Variants in CREB3L2 observed in about 807,000 individuals in gnomAD.
CREB3L2 encodes cyclic AMP-responsive element-binding protein 3-like protein 2.
In CREB3L2, 23 loss-of-function variants were observed where a neutral mutation model predicts 57.2. That is an observed-to-expected ratio of 0.40 (90% CI 0.29 to 0.57). The LOEUF is 0.57. CREB3L2 is among the 20% of genes least tolerant of loss of function. The probability of loss-of-function intolerance (pLI) is 0.42; values close to 1 mark genes in which losing one functional copy is unlikely to be tolerated. For synonymous variants in CREB3L2, 268 were observed against 265.1 expected (o/e 1.01, Z -0.11); for missense variants, 628 against 634.7 (o/e 0.99, Z 0.11).
intron 8 of CREB3L2, among the ~76,000 whole-genome samples, chr7:137,895,086 T>G (rs963345831): frequency 6.6e-6 from 1 of 152,146 alleles, no homozygotes; most frequent in Non-Finnish European, 1.5e-5. Context: ...GCCCTAAAGA[T>G]GCCTGAGAAC....
intron 8 of CREB3L2, among the ~76,000 whole-genome samples, chr7:137,895,895 T>C (rs1281481046): frequency 6.6e-6 from 1 of 152,234 alleles, no homozygotes; most frequent in Non-Finnish European, 1.5e-5. Flanking sequence ...TCTTCACTTA[T>C]CAAAGTTGTT....
chr7:137,903,945 G>A lies in CREB3L2; in HGVS notation c.974+14C>T. On this transcript the variant is annotated intron_variant, in intron 7 of 11. Coordinates refer to ENST00000330387, the MANE Select transcript of CREB3L2 (RefSeq NM_194071.4). ...TACTGCCCGATGAACGCAACAGTTTGCCAGCAGGCTTACTTTTTCTCCAGG... is the reference window on the plus strand; with the variant it reads ...TACTGCCCGATGAACGCAACAGTTTACCAGCAGGCTTACTTTTTCTCCAGG... The A allele has an allele frequency of 1.2e-6, 2 of 1,609,362 alleles. No individual in the cohort carries two copies. The highest frequency in any genetic ancestry group is 2.2e-5 in the South Asian group (2 of 90,954).
chr7:137,967,569 G>A (rs140033816), intron 1 of CREB3L2, among the ~76,000 whole-genome samples: 306 of 152,214 alleles, frequency 2.0e-3, no homozygotes, highest in African/African-American at 6.7e-3. Flanking sequence ...GAGATACTCC[G>A]GATGACTCAG....
intron 1 of CREB3L2, among the ~76,000 whole-genome samples, chr7:137,981,030 G>A (rs1220874428): frequency 6.6e-6 from 1 of 152,130 alleles, no homozygotes; most frequent in Non-Finnish European, 1.5e-5. Flanking sequence ...TGAGGACCCC[G>A]AGTCCTTGCA....
At chr7:137,912,375 CAAA>C (rs1323783918) in intron 4 of CREB3L2, among the ~76,000 whole-genome samples, 3 of 69,806 alleles carry the variant, frequency 4.3e-5, no homozygotes, top group African/African-American at 4.6e-5. Context: ...GACTCTGTCT[CAAA>C]AAAAAAAAAA....
chr7:137,921,920 G>A (rs1053666331), intron 2 of CREB3L2, among the ~76,000 whole-genome samples: 8 of 151,256 alleles, frequency 5.3e-5, no homozygotes, highest in Middle Eastern at 3.2e-3. Flanking sequence ...ACAGGCGTGC[G>A]TCACCTCACC....
intron 1 of CREB3L2, among the ~76,000 whole-genome samples, chr7:137,934,632 C>T (rs1236669182): frequency 1.3e-5 from 2 of 152,202 alleles, no homozygotes; most frequent in African/African-American, 2.4e-5. Flanking sequence ...GGCTCACAGA[C>T]GGTCATCCGC....
At chr7:137,930,828 C>A (rs1246405314) in intron 1 of CREB3L2, among the ~76,000 whole-genome samples, 1 of 151,506 alleles carries the variant, frequency 6.6e-6, no homozygotes, top group Non-Finnish European at 1.5e-5. Context: ...GCCTGCATCA[C>A]AATTACCAGG....
intron 1 of CREB3L2, among the ~76,000 whole-genome samples, chr7:137,958,665 A>T (rs934418175): frequency 2.0e-4 from 31 of 152,232 alleles, no homozygotes; most frequent in African/African-American, 7.5e-4. Flanking sequence ...TGTTTTAAGA[A>T]ATCCAGTGAG....
chr7:137,974,014 T>C (rs1801562565), intron 1 of CREB3L2, among the ~76,000 whole-genome samples: 1 of 151,576 alleles, frequency 6.6e-6, no homozygotes, highest in Non-Finnish European at 1.5e-5. Context: ...ATATCCATAT[T>C]ATAAAGTTAG....
At chr7:137,887,240 TG>T (rs1454425451) in intron 8 of CREB3L2, among the ~76,000 whole-genome samples, 1 of 152,210 alleles carries the variant, frequency 6.6e-6, no homozygotes, top group Non-Finnish European at 1.5e-5. Context: ...AGATTTTTCC[TG>T]GGCTTACATC....
intron 1 of CREB3L2, among the ~76,000 whole-genome samples, chr7:137,982,608 T>C (rs1036851015): frequency 6.6e-5 from 10 of 152,344 alleles, no homozygotes; most frequent in African/African-American, 1.2e-4. Context: ...CTCTCTTGCT[T>C]GCCACCATGT....
Position 138,001,981 on chromosome 7 carries a change from A to T in CREB3L2, c.-276T>A. 2.4e-6 allele frequency: 1 copy of T among 411,728 alleles called. No individual in the cohort carries two copies. Among genetic ancestry groups the T allele is most frequent in the South Asian group, 4.3e-5 (1 of 23,280 alleles). 25.5% of individuals were successfully genotyped at this position (411,728 alleles called of 1,614,324 possible). A position where few individuals can be genotyped will look rare whatever the true frequency, so the allele number is the denominator to read the frequency against. ...AAAGCGGGATGTGCATCCAAAATGA[A>T]GGCAGAAGACCCGCTCTCATCCCAG... On this transcript the variant is annotated 5_prime_UTR_variant, in exon 1 of 12. Coordinates refer to ENST00000330387, the MANE Select transcript of CREB3L2 (RefSeq NM_194071.4). The surrounding 1 kb of genome is among the most constrained non-coding windows in gnomAD (Gnocchi z 4.2).
At chr7:137,916,486 C>T (rs1191859120) in intron 2 of CREB3L2, among the ~76,000 whole-genome samples, 1 of 152,076 alleles carries the variant, frequency 6.6e-6, no homozygotes, top group Non-Finnish European at 1.5e-5. Context: ...GATGCCAAGG[C>T]AAGAGAATTG....
In CREB3L2 at chr7:138,001,784, C is replaced by A; in HGVS notation, c.-79G>T. On this transcript the variant is annotated 5_prime_UTR_variant, in exon 1 of 12. It adds an upstream start codon to the 5' untranslated region. Transcript: ENST00000330387. The surrounding 1 kb of genome is among the most constrained non-coding windows in gnomAD (Gnocchi z 4.2). Reference sequence around the variant, plus strand: ...GAGCTGCCTCGGACCGGCAAGGTTCCTCTCTCTCCGCGTGTGCTTGCGTGT... The same window carrying A: ...GAGCTGCCTCGGACCGGCAAGGTTCATCTCTCTCCGCGTGTGCTTGCGTGT... 9.4e-7 allele frequency: 1 copy of A among 1,061,334 alleles called. No individual in the cohort carries two copies. The highest frequency in any genetic ancestry group is 1.3e-6 in the Non-Finnish European group (1 of 760,742). The allele number at this position is 1,061,334 out of a possible 1,614,324, so 65.7% of individuals were successfully genotyped here.
chr7:137,916,832 G>A (rs909845478), intron 2 of CREB3L2, among the ~76,000 whole-genome samples: 3 of 152,158 alleles, frequency 2.0e-5, no homozygotes, highest in Non-Finnish European at 4.4e-5. Flanking sequence ...GACAGAGAGA[G>A]AGAGAGAAGC....
Position 137,879,597 on chromosome 7 carries a change from C to T in CREB3L2, c.*879G>A. On this transcript the variant is annotated 3_prime_UTR_variant, in exon 12 of 12. Transcript: ENST00000330387. ...AAAAGAAAAAACAAAGGAAAGGAAACAAAACATTGTCTGGAAAGACACGGG... is the reference window on the plus strand; with the variant it reads ...AAAAGAAAAAACAAAGGAAAGGAAATAAAACATTGTCTGGAAAGACACGGG... 1 of 246,584 alleles carries T rather than the reference C, an allele frequency of 4.1e-6. No homozygotes were observed. The highest frequency in any genetic ancestry group is 5.2e-5 in the Admixed American group (1 of 19,084). The allele number at this position is 246,584 out of a possible 1,614,324, so 15.3% of individuals were successfully genotyped here.
chr7:137,978,085 G>C (rs975949731), intron 1 of CREB3L2, among the ~76,000 whole-genome samples: 1 of 152,004 alleles, frequency 6.6e-6, no homozygotes, highest in African/African-American at 2.4e-5. Context: ...TCAGCTTTGT[G>C]AAATCAATAG....
chr7:137,919,292 C>A (rs1353212116), intron 2 of CREB3L2, among the ~76,000 whole-genome samples: 3 of 152,096 alleles, frequency 2.0e-5, no homozygotes, highest in African/African-American at 7.2e-5. Flanking sequence ...CTGCCTCAGC[C>A]TCCCAAGTAG....
Sources: gnomAD v4.1 joint callset for allele counts (sites outside exome capture counted in the v4.1 genomes callset) on GRCh38, gnomAD v4.1.1 for gene constraint, Gnocchi (gnomAD v3.1) non-coding constraint, MANE v1.5 for transcripts, NCBI Gene and HGNC (gene_info 2026-07-23, HGNC 2026-07-21) for gene names.